BCOR: variants seen among roughly 807,000 people sequenced by gnomAD.
BCOR encodes the protein BCL-6 corepressor.
In BCOR, 10 loss-of-function variants were observed where a neutral mutation model predicts 86.7. The observed-to-expected ratio is 0.12, with a 90% CI of 0.07 to 0.20. The LOEUF (loss-of-function observed/expected upper bound fraction) is 0.20, where lower values mean the gene tolerates loss of function less well. Ranked by LOEUF, BCOR falls within the 10% of genes least tolerant of loss-of-function variation. The probability of loss-of-function intolerance (pLI) is 1.00; values close to 1 mark genes in which losing one functional copy is unlikely to be tolerated. For missense variants in BCOR, 1,259 were observed against 1,452.1 expected, an observed-to-expected ratio of 0.87 and a Z score of 2.16; for synonymous variants, 611 against 609.0, an observed-to-expected ratio of 1.00 and a Z score of -0.05.
intron 1 of BCOR, among the ~76,000 whole-genome samples, chrX:40,155,667 G>A (rs1938276769): frequency 1.8e-5 from 2 of 112,601 alleles, no homozygotes; most frequent in South Asian, 7.3e-4. Flanking sequence ...GACCCTCGCC[G>A]AGCGAGCGAG....
intron 1 of BCOR, among the ~76,000 whole-genome samples, chrX:40,081,465 G>A (rs895539730): frequency 8.9e-6 from 1 of 112,557 alleles, no homozygotes; most frequent in African/African-American, 3.2e-5. Context: ...CAAGTGCTTC[G>A]AAACTGATGT....
intron 1 of BCOR, among the ~76,000 whole-genome samples, chrX:40,119,390 G>A (rs745675831): frequency 4.9e-4 from 54 of 110,373 alleles, no homozygotes; most frequent in African/African-American, 1.7e-3. Context: ...AAGTCAGGAT[G>A]GGCCAGGTGC....
At chrX:40,104,554 C>T (rs1373647866) in intron 1 of BCOR, among the ~76,000 whole-genome samples, 2 of 110,682 alleles carry the variant, frequency 1.8e-5, no homozygotes, top group Admixed American at 9.5e-5. Context: ...AACCTCAAGG[C>T]GGGCGCCCCA....
chrX:40,064,211 C>A, intron 7 of BCOR, 125 bp downstream of exon 7: 2 of 1,037,506 alleles, frequency 1.9e-6, no homozygotes, highest in Non-Finnish European at 2.7e-6. Flanking sequence ...TGCGCCCCCA[C>A]GGCTTCCCCT....
At chrX:40,076,834 C>T in intron 2 of BCOR, 1 of 322,753 alleles carries the variant, frequency 3.1e-6, no homozygotes, top group Non-Finnish European at 5.8e-6. Context: ...AGATTTTTTT[C>T]TCTAGAGGCC....
In BCOR at chrX:40,124,575, T is replaced by A. The variant is rs192858965; in HGVS notation, c.-40-46606A>T. On this transcript the variant is annotated intron_variant, in intron 1 of 14. Coordinates refer to the BCOR transcript ENST00000342274. Reference sequence around the variant, plus strand: ...ACGGCACCTAGCCCTTACAATTTTTTAAAAAGGTTTTAAAATCAATTCTAT... The same window carrying A: ...ACGGCACCTAGCCCTTACAATTTTTAAAAAAGGTTTTAAAATCAATTCTAT... 2.4e-3 allele frequency among the ~76,000 whole-genome samples: 268 copies of A among 109,695 alleles called. 2 individuals carry two copies. Among genetic ancestry groups the A allele is most frequent in the African/African-American group, 7.7e-3 (230 of 30,036 alleles).
At chrX:40,079,720 G>C (rs368303884) in intron 1 of BCOR, among the ~76,000 whole-genome samples, 1 of 111,376 alleles carries the variant, frequency 9.0e-6, no homozygotes, top group African/African-American at 3.3e-5. Context: ...CCAAAGGACC[G>C]ACTCGGCTGT....
chrX:40,092,030 C>G lies in BCOR; in HGVS notation c.-41+5185G>C, dbSNP rs761156716. ...GCACGAGTGTGACCTCGGGGCCTAA[C>G]AAAGGGCCTTGTGAGCTCCTTTCGG... On this transcript the variant is annotated intron_variant, in intron 1 of 14. Transcript: ENST00000378444. Among the ~76,000 whole-genome samples the G allele has an allele frequency of 4.4e-5, 5 of 112,778 alleles. No individual in the cohort carries two copies. The East Asian group carries it at 1.4e-3, about 32-fold the overall frequency.
chrX:40,165,902 C>T (rs1009530856), intron 1 of BCOR, among the ~76,000 whole-genome samples: 2 of 111,689 alleles, frequency 1.8e-5, no homozygotes, highest in East Asian at 2.8e-4. Flanking sequence ...CTCTGCCTCC[C>T]GAGTAGCTAG....
chrX:40,117,095 T>C (rs1937407428), intron 1 of BCOR, among the ~76,000 whole-genome samples: 1 of 112,670 alleles, frequency 8.9e-6, no homozygotes, highest in African/African-American at 3.2e-5. Context: ...CATTGTCCTC[T>C]GCTCTAGATC....
At chrX:40,124,562 C>G (rs1415645531) in intron 1 of BCOR, among the ~76,000 whole-genome samples, 1 of 110,523 alleles carries the variant, frequency 9.0e-6, no homozygotes, top group Non-Finnish European at 1.9e-5. Flanking sequence ...GGCACCTAGC[C>G]CTTACAATTT....
At chrX:40,117,746 G>A (rs1937417439) in intron 1 of BCOR, among the ~76,000 whole-genome samples, 1 of 110,773 alleles carries the variant, frequency 9.0e-6, no homozygotes, top group Admixed American at 9.6e-5. Context: ...TGCTTTCTTG[G>A]TGTGTGACCT....
chrX:40,108,718 C>T (rs908087336), intron 1 of BCOR, among the ~76,000 whole-genome samples: 1 of 113,326 alleles, frequency 8.8e-6, no homozygotes, highest in Non-Finnish European at 1.9e-5. Flanking sequence ...GAGCGTCCCG[C>T]GCTTGGGCAA....
At chrX:40,156,408 G>A (rs974502612) in intron 1 of BCOR, among the ~76,000 whole-genome samples, 25 of 112,316 alleles carry the variant, frequency 2.2e-4, no homozygotes, top group African/African-American at 7.4e-4. Flanking sequence ...AGCAGCGGCA[G>A]GGGATGAGGA....
Position 40,051,304 on chromosome X carries a change from A to G in BCOR, c.*805T>C, listed in dbSNP as rs1009844475. 1 of 167,818 alleles carries G rather than the reference A, an allele frequency of 6.0e-6. No individual in the cohort carries two copies. Among genetic ancestry groups the G allele is most frequent in the Non-Finnish European group, 1.1e-5 (1 of 87,353 alleles). The allele number at this position is 167,818 out of a possible 1,213,427, so 13.8% of individuals were successfully genotyped here. On this transcript the variant is annotated 3_prime_UTR_variant, in exon 15 of 15. Transcript: ENST00000378444. The stretch of plus-strand genomic sequence containing the variant: ...CCTTTTAAGAAAATTTTTGTAAAAT[A>G]TAAATACAAAGGCAGAGAATTTACT...
intron 1 of BCOR, among the ~76,000 whole-genome samples, chrX:40,091,223 A>G (rs1161135340): frequency 8.9e-6 from 1 of 112,230 alleles, no homozygotes; most frequent in African/African-American, 3.2e-5. Flanking sequence ...ATGCAAATCA[A>G]TATGGCAATT....
Position 40,138,454 on chromosome X carries a change from A to G in BCOR, c.-41+38553T>C, listed in dbSNP as rs755717534. On this transcript the variant is annotated intron_variant, in intron 1 of 14. Coordinates refer to the BCOR transcript ENST00000342274. ...CCATCAACTCGGCCAAATGACTTACATGCAATCACCAAAGCAAAGTTAATA... is the reference window on the plus strand; with the variant it reads ...CCATCAACTCGGCCAAATGACTTACGTGCAATCACCAAAGCAAAGTTAATA... Among the ~76,000 whole-genome samples the G allele has an allele frequency of 1.5e-4, 17 of 112,280 alleles. No homozygotes were observed. The South Asian group carries it at 5.9e-3, about 39-fold the overall frequency.
At chrX:40,076,566 A>C (rs1421695854) in intron 2 of BCOR, 34 bp from the exon 3 acceptor site, 6 of 1,038,188 alleles carry the variant, frequency 5.8e-6, no homozygotes, top group Non-Finnish European at 8.1e-6. Flanking sequence ...TCATGAAAGC[A>C]TTCCTCACTG....
At position 40,052,203 on chromosome X, in the gene BCOR, T is replaced by C; in HGVS notation, c.5174A>G (p.Asp1725Gly). 5 of 1,211,415 alleles carry C rather than the reference T, an allele frequency of 4.1e-6. No homozygotes were observed. Among genetic ancestry groups the C allele is most frequent in the Non-Finnish European group, 5.6e-6 (5 of 895,281 alleles). The change falls in exon 15 of 15, where the codon GAT becomes GGT. Residue 1725 changes from aspartate (D) to glycine (G), a missense_variant. By Grantham distance (94) the Asp-to-Gly change is moderately conservative. Around this residue, in one of 7 missense-constraint regions of BCOR, gnomAD observed 137 missense variants for 149.8 expected, o/e 0.91. Transcript: ENST00000378444. ...AFNPESKELLDLVEFTNEIQT... is the reference protein window; with the variant it reads ...AFNPESKELLGLVEFTNEIQT... Reference sequence around the variant, plus strand: ...AATTTCGTTCGTGAATTCCACCAGATCTAACAGCTCCTTACTTTCAGGGTT... The same window carrying C: ...AATTTCGTTCGTGAATTCCACCAGACCTAACAGCTCCTTACTTTCAGGGTT...
Sources: gnomAD v4.1 joint callset for allele counts (sites outside exome capture counted in the v4.1 genomes callset) on GRCh38, gnomAD v4.1.1 for gene constraint, gnomAD v4.1.1 regional missense constraint, MANE v1.5 for transcripts, NCBI Gene and HGNC (gene_info 2026-07-23, HGNC 2026-07-21) for gene names.